Variants in ZNF79 observed in about 807,000 individuals in gnomAD.
The protein encoded by ZNF79 is zinc finger protein 79.
In ZNF79, 13 loss-of-function variants were observed where a neutral mutation model predicts 14.9. That is an observed-to-expected ratio of 0.87 (90% CI 0.57 to 1.38). The LOEUF (loss-of-function observed/expected upper bound fraction) is 1.38. ZNF79 is among the 40% of genes most tolerant of loss of function. The pLI is 0.00. For synonymous variants in ZNF79, 223 were observed against 235.1 expected, an observed-to-expected ratio of 0.95 and a Z score of 0.47; for missense variants, 631 against 630.6, an observed-to-expected ratio of 1.00 and a Z score of -0.01.
chr9:127,437,709 C>T (rs992674958), intron 4 of ZNF79, among the ~76,000 whole-genome samples: 3 of 151,438 alleles, frequency 2.0e-5, no homozygotes, highest in East Asian at 1.9e-4. Flanking sequence ...CCGCAATCTT[C>T]GGCATTTGTT....
At chr9:127,426,591 G>A (rs1273493094) in intron 1 of ZNF79, among the ~76,000 whole-genome samples, 1 of 152,170 alleles carries the variant, frequency 6.6e-6, no homozygotes, top group Non-Finnish European at 1.5e-5. Context: ...GGCCAGGCTG[G>A]TCTTGAACGC....
intron 4 of ZNF79, among the ~76,000 whole-genome samples, chr9:127,443,016 A>G (rs1009954694): frequency 6.6e-6 from 1 of 152,228 alleles, no homozygotes; most frequent in Non-Finnish European, 1.5e-5. Context: ...TTCAGGGGCA[A>G]TAACAAGCAC....
chr9:127,429,907 C>T (rs945629134), intron 2 of ZNF79, among the ~76,000 whole-genome samples: 1 of 151,814 alleles, frequency 6.6e-6, no homozygotes, highest in Non-Finnish European at 1.5e-5. Flanking sequence ...ACCTCCACCT[C>T]CCAGGTTCAA....
intron 2 of ZNF79, among the ~76,000 whole-genome samples, chr9:127,431,320 A>G (rs769121265): frequency 1.3e-5 from 2 of 151,134 alleles, no homozygotes; most frequent in Admixed American, 6.6e-5. Flanking sequence ...GCAGTGGCAC[A>G]ATCTCAGCTC....
In ZNF79 at chr9:127,445,174, CAG is replaced by C; in HGVS notation, c.1478_1479del (p.Arg493ThrfsTer29). The C allele has an allele frequency of 6.2e-7, 1 of 1,614,148 alleles. No homozygotes were observed. Among genetic ancestry groups the C allele is most frequent in the Admixed American group, 1.7e-5 (1 of 60,024 alleles). On this transcript the variant is annotated frameshift_variant, in exon 5 of 5. Transcript: ENST00000342483. LOFTEE classifies it high-confidence loss of function. ...FRCSSAFVRH[Q>X]RLHAGE Reference sequence around the variant, plus strand: ...GTGCAGCTCTGCCTTCGTTAGACATCAGAGACTCCACGCCGGAGAGTAACTAG... The same window carrying C: ...GTGCAGCTCTGCCTTCGTTAGACATCAGACTCCACGCCGGAGAGTAACTAG...
chr9:127,441,805 C>T (rs554144683), intron 4 of ZNF79, among the ~76,000 whole-genome samples: 3 of 152,036 alleles, frequency 2.0e-5, no homozygotes, highest in African/African-American at 7.2e-5. Flanking sequence ...ATTAGCCGGG[C>T]GTGGTGGCGG....
At position 127,444,781 on chromosome 9, in the gene ZNF79, TA is replaced by T. The variant is rs745443375; in HGVS notation, c.1082del (p.Tyr361SerfsTer45). ...HQRIHTGEKP[Y>X]RCAACGKAFS... ...GAGGATTCACACCGGGGAGAAGCCC[TA>T]CAGATGTGCCGCGTGTGGGAAGGCC... On this transcript the variant is annotated frameshift_variant, in exon 5 of 5. Transcript: ENST00000342483. LOFTEE classifies it low-confidence loss of function (END_TRUNC). 3.1e-6 allele frequency: 5 copies of T among 1,608,938 alleles called. No individual in the cohort carries two copies. Among genetic ancestry groups the T allele is most frequent in the Non-Finnish European group, 4.3e-6 (5 of 1,175,904 alleles).
In ZNF79 at chr9:127,444,518, G is replaced by C. The variant is rs756175639; in HGVS notation, c.818G>C (p.Gly273Ala). The part of the protein sequence containing the change: ...NLTKHQRTHT[G>A]EKPYRCSECE... ...ACCAAACACCAGCGAACCCACACCG[G>C]AGAGAAGCCCTACAGATGCAGCGAG... Residue 273 changes from glycine to alanine, a missense_variant, in exon 5 of 5, where the codon GGA (glycine) becomes GCA (alanine). Transcript: ENST00000342483. 6 of 1,613,580 alleles carry C rather than the reference G, an allele frequency of 3.7e-6. No homozygotes were observed. Among genetic ancestry groups the C allele is most frequent in the Non-Finnish European group, 5.1e-6 (6 of 1,179,614 alleles).
chr9:127,424,744 G>A lies in ZNF79; in HGVS notation c.-44G>A. On this transcript the variant is annotated 5_prime_UTR_variant, in exon 1 of 5. Coordinates refer to ENST00000342483, the MANE Select transcript of ZNF79 (RefSeq NM_007135.3). ...GGGGCTGCTGTAGATAGACCCTTAC[G>A]CCCAGAGAACTGCTGGGAGGCTGTG... is the stretch of plus-strand genomic sequence containing the variant. The A allele has an allele frequency of 6.2e-7, 1 of 1,613,372 alleles. No individual in the cohort carries two copies. The highest frequency in any genetic ancestry group is 8.5e-7 in the Non-Finnish European group (1 of 1,179,910).
At chr9:127,424,925 T>G in intron 1 of ZNF79, 122 bp downstream of exon 1, 1 of 1,545,744 alleles carries the variant, frequency 6.5e-7, no homozygotes, top group Non-Finnish European at 8.8e-7. Flanking sequence ...TTGGAGACAA[T>G]CATTTTTTCT....
rs769115244 is a variant in ZNF79, at chr9:127,435,958, G to A, written c.283G>A (p.Gly95Ser). 1 of 1,614,260 alleles carries A rather than the reference G, an allele frequency of 6.2e-7. No homozygotes were observed. Among genetic ancestry groups the A allele is most frequent in the Non-Finnish European group, 8.5e-7 (1 of 1,180,038 alleles). ...GMNSQLEQREGAWMLEGEDLR... is the reference protein window; with the variant it reads ...GMNSQLEQRESAWMLEGEDLR... ...GAACTCCCAGTTGGAACAAAGGGAA[G>A]GCGCATGGATGCTGGAGGGCGAAGA... Residue 95 changes from glycine to serine, a missense_variant, in exon 4 of 5, where the codon GGC becomes AGC. Transcript: ENST00000342483.
chr9:127,438,368 AAAGATG>A (rs1218788691), intron 4 of ZNF79, among the ~76,000 whole-genome samples: 3 of 152,164 alleles, frequency 2.0e-5, no homozygotes, highest in Non-Finnish European at 4.4e-5. Flanking sequence ...TTATTTTAGA[AAAGATG>A]AAGATGAAGA....
intron 2 of ZNF79, among the ~76,000 whole-genome samples, chr9:127,434,242 C>T (rs532676023): frequency 6.6e-5 from 10 of 152,184 alleles, no homozygotes; most frequent in African/African-American, 2.4e-4. Context: ...TCTCTGTGGT[C>T]CTCCCTCCCC....
At chr9:127,435,694 C>T (rs1456680650) in intron 3 of ZNF79, among the ~76,000 whole-genome samples, 1 of 152,082 alleles carries the variant, frequency 6.6e-6, no homozygotes, top group Non-Finnish European at 1.5e-5. Context: ...GAGACCCTGC[C>T]TCTAAAATTA....
chr9:127,427,482 G>A (rs947990890), intron 1 of ZNF79, among the ~76,000 whole-genome samples: 3 of 149,424 alleles, frequency 2.0e-5, no homozygotes, highest in Non-Finnish European at 4.4e-5. Flanking sequence ...CCAGCATTTC[G>A]GCCTCCCAAA....
chr9:127,437,700 C>T (rs1391419373), intron 4 of ZNF79, among the ~76,000 whole-genome samples: 1 of 151,252 alleles, frequency 6.6e-6, no homozygotes, highest in East Asian at 1.9e-4. Context: ...GGTGGTTGCC[C>T]GCAATCTTCG....
intron 1 of ZNF79, among the ~76,000 whole-genome samples, chr9:127,427,864 A>T (rs532579380): frequency 2.2e-4 from 33 of 152,216 alleles, no homozygotes; most frequent in African/African-American, 7.9e-4. Context: ...TTTAATTTTG[A>T]AGATATCCAA....
chr9:127,443,222 C>A (rs545672074), intron 4 of ZNF79, among the ~76,000 whole-genome samples: 12 of 152,076 alleles, frequency 7.9e-5, no homozygotes, highest in Admixed American at 7.2e-4. Context: ...AGGAGGGTCG[C>A]TTGAGTCCAG....
intron 4 of ZNF79, among the ~76,000 whole-genome samples, chr9:127,443,740 A>T (rs1258897315): frequency 6.6e-6 from 1 of 151,988 alleles, no homozygotes. Context: ...TCTCTACTAA[A>T]AATACAAAAA....
Sources: allele counts gnomAD v4.1 joint callset (sites outside exome capture counted in the v4.1 genomes callset), GRCh38; gene constraint gnomAD v4.1.1; transcripts MANE v1.5; gene names NCBI Gene and HGNC (gene_info 2026-07-23, HGNC 2026-07-21).